Variants in TENM2 observed in about 807,000 individuals in gnomAD.
TENM2 encodes the protein teneurin-2.
In TENM2, 52 loss-of-function variants were observed where a neutral mutation model predicts 245.2. The observed-to-expected ratio is 0.21, with a 90% confidence interval of 0.17 to 0.27. TENM2 has a LOEUF of 0.27. TENM2 is among the 10% of genes least tolerant of loss of function. TENM2 has a pLI of 1.00. For synonymous variants in TENM2, 1,363 were observed against 1,438.9 expected (o/e 0.95, Z 1.19); for missense variants, 3,046 against 3,666.8 (o/e 0.83, Z 4.37).
chr5:167,915,836 T>A (rs568209592), intron 3 of TENM2, among the ~76,000 whole-genome samples: 17 of 152,330 alleles, frequency 1.1e-4, no homozygotes, highest in African/African-American at 3.8e-4. Flanking sequence ...GGGTAATTAC[T>A]CTTCCAAAAT....
At chr5:167,198,728 TC>T in the TENM2 span, among the ~76,000 whole-genome samples, 1 of 152,068 alleles carries the variant, frequency 6.6e-6, no homozygotes, top group Non-Finnish European at 1.5e-5. Context: ...GTGTCATTGA[TC>T]ATCCGCCACT....
At chr5:167,389,011 T>C (rs1448395874) in intron 2 of TENM2, among the ~76,000 whole-genome samples, 2 of 152,086 alleles carry the variant, frequency 1.3e-5, no homozygotes, top group Non-Finnish European at 2.9e-5. Context: ...TGTGTTACTT[T>C]CTAAAGATCC....
chr5:167,732,749 A>T (rs761181273), intron 2 of TENM2, among the ~76,000 whole-genome samples: 1 of 152,192 alleles, frequency 6.6e-6, no homozygotes, highest in Non-Finnish European at 1.5e-5. Context: ...TTATTCCATC[A>T]TTGAATGGGG....
At chr5:167,907,332 A>T (rs939852394) in intron 3 of TENM2, among the ~76,000 whole-genome samples, 2 of 151,578 alleles carry the variant, frequency 1.3e-5, no homozygotes, top group Non-Finnish European at 2.9e-5. Flanking sequence ...ATACATTTAC[A>T]TGTCAACTTT....
intron 2 of TENM2, among the ~76,000 whole-genome samples, chr5:167,769,356 G>A (rs148818924): frequency 6.6e-5 from 10 of 152,256 alleles, no homozygotes; most frequent in East Asian, 1.9e-4. Flanking sequence ...TTTATTGAAT[G>A]TATGTAGTTA....
chr5:167,775,271 G>A (rs116602470), intron 2 of TENM2, among the ~76,000 whole-genome samples: 1 of 152,108 alleles, frequency 6.6e-6, no homozygotes, highest in African/African-American at 2.4e-5. Context: ...CCTGGCCAGG[G>A]TGTGAGGTCT....
At chr5:168,080,921 G>C (rs1394250567) in intron 7 of TENM2, among the ~76,000 whole-genome samples, 1 of 152,166 alleles carries the variant, frequency 6.6e-6, no homozygotes. Context: ...ATTTGGGATG[G>C]AGAGTTCTGT....
chr5:167,244,118 A>C, the TENM2 span, among the ~76,000 whole-genome samples: 1 of 152,298 alleles, frequency 6.6e-6, no homozygotes, highest in East Asian at 1.9e-4. Context: ...GATTAAGTCA[A>C]GTGTACCTTG....
chr5:167,043,463 T>C, the TENM2 span, among the ~76,000 whole-genome samples: 2 of 152,094 alleles, frequency 1.3e-5, no homozygotes, highest in East Asian at 1.9e-4. Context: ...ATAGATGTTT[T>C]ATTGGCAAGA....
intron 15 of TENM2, among the ~76,000 whole-genome samples, chr5:168,195,525 CG>C (rs1419835693): frequency 6.8e-6 from 1 of 146,238 alleles, no homozygotes; most frequent in Non-Finnish European, 1.5e-5. Context: ...ACAGCCACCT[CG>C]TTTTTTTAAT....
intron 2 of TENM2, among the ~76,000 whole-genome samples, chr5:167,674,216 G>GTCAA (rs1290268906): frequency 6.6e-6 from 1 of 152,102 alleles, no homozygotes; most frequent in Non-Finnish European, 1.5e-5. Context: ...GTGCAGTTTA[G>GTCAA]TCAACTCAGC....
chr5:168,212,926 G>A lies in TENM2; in HGVS notation c.3845+1172G>A, dbSNP rs77098931. On this transcript the variant is annotated intron_variant, in intron 20 of 28. Coordinates refer to ENST00000518659, the Ensembl canonical transcript of TENM2. ...AAGAACTGACCTCACACCCACCACTGCCTGCTCTTCTGCCAGAGCTTTTGA... is the reference window on the plus strand; with the variant it reads ...AAGAACTGACCTCACACCCACCACTACCTGCTCTTCTGCCAGAGCTTTTGA... Among the ~76,000 whole-genome samples the A allele has an allele frequency of 3.1e-3, 474 of 152,266 alleles. 3 individuals are homozygous for A. The highest frequency in any genetic ancestry group is 0.011 in the African/African-American group (449 of 41,554).
the TENM2 span, among the ~76,000 whole-genome samples, chr5:167,041,404 G>A: frequency 1.3e-5 from 2 of 152,118 alleles, no homozygotes; most frequent in Admixed American, 6.5e-5. Context: ...AACAGATTCT[G>A]CTACTCTCCT....
intron 3 of TENM2, among the ~76,000 whole-genome samples, chr5:167,901,412 A>G (rs528532628): frequency 3.9e-5 from 6 of 152,330 alleles, no homozygotes; most frequent in Admixed American, 3.9e-4. Context: ...CTGAGCTATT[A>G]CCTAAGGACA....
At chr5:167,715,084 T>C (rs920634106) in intron 2 of TENM2, among the ~76,000 whole-genome samples, 1 of 152,150 alleles carries the variant, frequency 6.6e-6, no homozygotes, top group East Asian at 1.9e-4. Context: ...ACACAGGACA[T>C]AGCTTCTGAC....
At chr5:167,927,610 G>A (rs1777863467) in intron 3 of TENM2, among the ~76,000 whole-genome samples, 2 of 152,166 alleles carry the variant, frequency 1.3e-5, no homozygotes, top group Non-Finnish European at 2.9e-5. Context: ...ATGCCTCCTT[G>A]AGCAAGTGGT....
At chr5:167,529,910 C>G (rs528374684) in intron 2 of TENM2, among the ~76,000 whole-genome samples, 2 of 152,234 alleles carry the variant, frequency 1.3e-5, no homozygotes, top group Admixed American at 6.5e-5. Context: ...AAAGGAATGG[C>G]TACTCTTCCA....
chr5:168,258,884 T>G (rs566007919), intron 27 of TENM2, among the ~76,000 whole-genome samples: 21 of 149,428 alleles, frequency 1.4e-4, no homozygotes, highest in African/African-American at 4.4e-4. Flanking sequence ...ATTTTTTTTT[T>G]TAAAGGGAAA....
intron 12 of TENM2, among the ~76,000 whole-genome samples, chr5:168,146,422 G>A (rs1028584466): frequency 2.6e-5 from 4 of 152,146 alleles, no homozygotes; most frequent in African/African-American, 7.2e-5. Flanking sequence ...GTGGCCTCAA[G>A]CATCCTCAGG....
Sources: allele counts gnomAD v4.1 joint callset (sites outside exome capture counted in the v4.1 genomes callset), GRCh38; gene constraint gnomAD v4.1.1; transcripts MANE v1.5; gene names NCBI Gene and HGNC (gene_info 2026-07-23, HGNC 2026-07-21).